Variants in DNAH11 observed in about 807,000 individuals in gnomAD.
DNAH11 encodes the protein dynein axonemal heavy chain 11, also known as axonemal beta dynein heavy chain 11.
Under a neutral mutation model 526.0 loss-of-function variants are expected in DNAH11, and 442 were observed. The ratio of observed to expected loss-of-function variants is 0.84; its 90% confidence interval spans 0.78 to 0.91. The LOEUF (loss-of-function observed/expected upper bound fraction) is 0.91. DNAH11 is among the 40% of genes least tolerant of loss of function. DNAH11 has a pLI of 0.00. For synonymous variants in DNAH11, 2,461 were observed against 1,935.9 expected, an observed-to-expected ratio of 1.27 and a Z score of -7.12; for missense variants, 6,989 against 5,448.7, an observed-to-expected ratio of 1.28 and a Z score of -8.90.
intron 65 of DNAH11, among the ~76,000 whole-genome samples, chr7:21,834,987 A>G (rs760089858): frequency 2.5e-4 from 38 of 152,206 alleles, no homozygotes; most frequent in Non-Finnish European, 4.4e-4. Context: ...ATGAACAAGT[A>G]TATGCCAACA....
At chr7:21,672,878 C>G (rs1423478940) in intron 30 of DNAH11, among the ~76,000 whole-genome samples, 1 of 152,172 alleles carries the variant, frequency 6.6e-6, no homozygotes, top group Non-Finnish European at 1.5e-5. Flanking sequence ...TCTCTCTGAC[C>G]TTAAGTCTGT....
rs558246192 is a variant in DNAH11 at position 21,566,510 on chromosome 7, C to T, written c.1194+2113C>T. ...AATATTATATAGTACTTATTTTGTT[C>T]AGGAGCTTTTCCAAGCCCTTTACAA... On this transcript the variant is annotated intron_variant, in intron 6 of 81. Coordinates refer to ENST00000409508, the MANE Select transcript of DNAH11 (RefSeq NM_001277115.2). Among the ~76,000 whole-genome samples, 5 of 151,902 alleles carry T rather than the reference C, an allele frequency of 3.3e-5. No homozygotes were observed. In the South Asian group the frequency reaches 8.3e-4, roughly 25 times the overall value.
Position 21,610,785 on chromosome 7 carries a change from T to C in DNAH11, c.3852+4052T>C, listed in dbSNP as rs115249668. ...GAAAGAGAATTAGTGAAATACAAAT[T>C]ACATTGGAGGAAATCACTTAGAACG... On this transcript the variant is annotated intron_variant, in intron 20 of 81. Transcript: ENST00000409508. Among the ~76,000 whole-genome samples, 3 of 152,010 alleles carry C rather than the reference T, an allele frequency of 2.0e-5. No homozygotes were observed. In the East Asian group the frequency reaches 5.8e-4, roughly 29 times the overall value.
intron 25 of DNAH11, among the ~76,000 whole-genome samples, chr7:21,634,698 C>G (rs771531201): frequency 2.6e-5 from 4 of 152,090 alleles, no homozygotes; most frequent in Non-Finnish European, 4.4e-5. Context: ...GATCAAAAAC[C>G]TACCTGTCAG....
chr7:21,653,778 C>G (rs1009592950), intron 28 of DNAH11, among the ~76,000 whole-genome samples: 1 of 152,172 alleles, frequency 6.6e-6, no homozygotes, highest in Non-Finnish European at 1.5e-5. Flanking sequence ...CTATTTGAAA[C>G]TCGGAGGACT....
chr7:21,772,552 T>C (rs1466432550), intron 55 of DNAH11, among the ~76,000 whole-genome samples: 1 of 152,042 alleles, frequency 6.6e-6, no homozygotes, highest in African/African-American at 2.4e-5. Flanking sequence ...ATATGAAGTT[T>C]ATATAAACTT....
rs779489580 is a variant in DNAH11, at chr7:21,880,842, C to G, written c.12336C>G (p.Asp4112Glu). The change falls in exon 75 of 82, where the codon GAC becomes GAG. Residue 4112 changes from aspartate (D) to glutamate (E), a missense_variant. Coordinates refer to ENST00000409508, the MANE Select transcript of DNAH11 (RefSeq NM_001277115.2). ...GAAGCTATCCTTTTAATCCTGGAGACCTCACCATTTGTGCCAGTGTCCTCT... is the reference window on the plus strand; with the variant it reads ...GAAGCTATCCTTTTAATCCTGGAGAGCTCACCATTTGTGCCAGTGTCCTCT... The part of the protein sequence containing the change: ...WSRSYPFNPG[D>E]LTICASVLYN... The G allele has an allele frequency of 1.9e-6, 3 of 1,613,722 alleles. No individual in the cohort carries two copies. The highest frequency in any genetic ancestry group is 2.5e-6 in the Non-Finnish European group (3 of 1,179,838).
At position 21,638,946 on chromosome 7, in the gene DNAH11, C is replaced by A; in HGVS notation, c.4825C>A (p.Leu1609Ile). 6.2e-7 allele frequency: 1 copy of A among 1,606,546 alleles called. No homozygotes were observed. Residue 1609 changes from leucine (L) to isoleucine (I), a missense_variant, in exon 28 of 82, where the codon CTT becomes ATT. Transcript: ENST00000409508. ...CATTTTTCATTCATGTAGGCTTTCT[C>A]TTTGTGAAAAAGCTCTCGCTGAATA... ...KLKDLQSRLSLCEKALAEYLE... is the reference protein window; with the variant it reads ...KLKDLQSRLSICEKALAEYLE...
At chr7:21,885,396 G>C (rs1391608880) in intron 76 of DNAH11, among the ~76,000 whole-genome samples, 1 of 151,402 alleles carries the variant, frequency 6.6e-6, no homozygotes, top group African/African-American at 2.4e-5. Flanking sequence ...CACACATAAA[G>C]ACTCTTAAAA....
chr7:21,617,844 C>T (rs543159591), intron 23 of DNAH11, 67 bp downstream of exon 23: 36 of 1,445,156 alleles, frequency 2.5e-5, no homozygotes, highest in East Asian at 2.3e-5. Context: ...TGGTTTGCAT[C>T]ATCTGAGATG....
At chr7:21,736,100 T>C (rs1785596944) in intron 46 of DNAH11, among the ~76,000 whole-genome samples, 1 of 152,234 alleles carries the variant, frequency 6.6e-6, no homozygotes, top group Non-Finnish European at 1.5e-5. Flanking sequence ...ATAGTGTTAA[T>C]GTGTTACCTC....
chr7:21,626,521 C>T (rs372709068), intron 25 of DNAH11, among the ~76,000 whole-genome samples: 48 of 152,198 alleles, frequency 3.2e-4, no homozygotes, highest in African/African-American at 7.2e-4. Flanking sequence ...GAAAACTCTC[C>T]GTACTGTTCT....
chr7:21,602,355 AATAAT>A (rs1235745216), intron 18 of DNAH11, among the ~76,000 whole-genome samples: 1 of 151,792 alleles, frequency 6.6e-6, no homozygotes, highest in East Asian at 1.9e-4. Flanking sequence ...TAATAATACT[AATAAT>A]AAATAAATGA....
intron 81 of DNAH11, 106 bp from the exon 82 acceptor site, chr7:21,900,901 T>A: frequency 1.4e-6 from 2 of 1,474,954 alleles, no homozygotes; most frequent in Non-Finnish European, 1.8e-6. Flanking sequence ...AGCAAAAATA[T>A]GACAAAACCA....
chr7:21,739,409 T>C (rs1785768839), intron 47 of DNAH11, among the ~76,000 whole-genome samples, 162 bp from the exon 48 acceptor site: 1 of 152,198 alleles, frequency 6.6e-6, no homozygotes, highest in Admixed American at 6.5e-5. Flanking sequence ...TTTTTTGAGC[T>C]TCAGTTTTGA....
At chr7:21,682,249 G>A (rs1019213106) in intron 31 of DNAH11, among the ~76,000 whole-genome samples, 14 of 151,984 alleles carry the variant, frequency 9.2e-5, no homozygotes, top group Admixed American at 1.3e-4. Flanking sequence ...AAAGTCGGCC[G>A]GGCATGGTGG....
At chr7:21,659,659 A>G (rs948156617) in intron 30 of DNAH11, among the ~76,000 whole-genome samples, 4 of 152,062 alleles carry the variant, frequency 2.6e-5, no homozygotes, top group African/African-American at 7.2e-5. Context: ...TCAGTGGATA[A>G]AATCTGAATC....
At chr7:21,598,545 C>T (rs1308581081) in intron 14 of DNAH11, among the ~76,000 whole-genome samples, 1 of 151,988 alleles carries the variant, frequency 6.6e-6, no homozygotes, top group Non-Finnish European at 1.5e-5. Context: ...GTTTTCTAAA[C>T]TGGGTCTATT....
chr7:21,746,031 C>T (rs761632690), intron 51 of DNAH11, among the ~76,000 whole-genome samples: 10 of 152,268 alleles, frequency 6.6e-5, no homozygotes, highest in East Asian at 1.9e-4. Context: ...CTTACCAATA[C>T]GAAGTATTTC....
Sources: gnomAD v4.1 joint callset for allele counts (sites outside exome capture counted in the v4.1 genomes callset) on GRCh38, gnomAD v4.1.1 for gene constraint, MANE v1.5 for transcripts, NCBI Gene and HGNC (gene_info 2026-07-23, HGNC 2026-07-21) for gene names.